Variants in MBNL3 observed in about 807,000 individuals in gnomAD.
The protein encoded by MBNL3 is muscleblind like splicing regulator 3.
In MBNL3, 6 loss-of-function variants were observed where a neutral mutation model predicts 24.5. The ratio of observed to expected loss-of-function variants is 0.25; its 90% confidence interval spans 0.13 to 0.48. The LOEUF (loss-of-function observed/expected upper bound fraction) is 0.48, where lower values mean the gene tolerates loss of function less well. MBNL3 is among the 20% of genes least tolerant of loss of function. The probability of loss-of-function intolerance (pLI) is 0.99; values close to 1 mark genes in which losing one functional copy is unlikely to be tolerated. For synonymous variants in MBNL3, 100 were observed against 101.7 expected (o/e 0.98, Z 0.10); for missense variants, 230 against 293.5 (o/e 0.78, Z 1.58).
At chrX:132,430,163 C>T (rs1709256554) in intron 2 of MBNL3, 1 of 110,175 alleles carries the variant, frequency 9.1e-6, no homozygotes, top group African/African-American at 3.3e-5. Context: ...AGAAACAATA[C>T]CCCACAATAT....
chrX:132,442,690 A>T (rs1188754833), intron 1 of MBNL3, among the ~76,000 whole-genome samples: 2 of 113,080 alleles, frequency 1.8e-5, no homozygotes, highest in South Asian at 7.1e-4. Flanking sequence ...TGAAAACTGC[A>T]AAAAAGAATT....
intron 2 of MBNL3, among the ~76,000 whole-genome samples, chrX:132,406,827 C>G (rs766225770): frequency 1.5e-4 from 17 of 111,938 alleles, no homozygotes; most frequent in African/African-American, 5.2e-4. Context: ...GTCACATTGT[C>G]ACAATGTGAC....
chrX:132,479,602 T>C, intron 1 of MBNL3, among the ~76,000 whole-genome samples: 1 of 112,338 alleles, frequency 8.9e-6, no homozygotes, highest in Non-Finnish European at 1.9e-5. Flanking sequence ...GAAAACCCTT[T>C]CACTTTTGTG....
chrX:132,405,880 CAAAAAAAAAAAAA>C (rs58288015), intron 3 of MBNL3, among the ~76,000 whole-genome samples: 1 of 32,856 alleles, frequency 3.0e-5, no homozygotes, highest in Non-Finnish European at 5.7e-5. Context: ...TCTGTCTCAC[CAAAAAAAAAAAAA>C]AAAAAAAAAA....
intron 3 of MBNL3, among the ~76,000 whole-genome samples, chrX:132,405,234 G>T (rs1173875210): frequency 9.0e-6 from 1 of 111,624 alleles, no homozygotes; most frequent in Non-Finnish European, 1.9e-5. Flanking sequence ...CTAAGTTAAG[G>T]GAAAGCCACT....
At chrX:132,469,280 G>A (rs1179877864) in intron 1 of MBNL3, among the ~76,000 whole-genome samples, 2 of 112,624 alleles carry the variant, frequency 1.8e-5, no homozygotes, top group Non-Finnish European at 3.7e-5. Context: ...TGAGCTCCTT[G>A]AGGACACATC....
intron 1 of MBNL3, among the ~76,000 whole-genome samples, chrX:132,465,576 C>T (rs1035559623): frequency 1.8e-5 from 2 of 112,116 alleles, no homozygotes; most frequent in Admixed American, 9.4e-5. Flanking sequence ...TCTTCATCTT[C>T]GTTCTTCTTT....
chrX:132,383,704 G>T (rs1935447364), intron 7 of MBNL3, among the ~76,000 whole-genome samples: 1 of 111,930 alleles, frequency 8.9e-6, no homozygotes, highest in South Asian at 3.7e-4. Flanking sequence ...CTATGTTAGT[G>T]AGTGCTGCTA....
At chrX:132,389,425 T>C (rs917519393) in intron 5 of MBNL3, among the ~76,000 whole-genome samples, 4 of 112,156 alleles carry the variant, frequency 3.6e-5, no homozygotes, top group Non-Finnish European at 7.5e-5. Flanking sequence ...TGACTTCTTT[T>C]GTGAAGTTCC....
At chrX:132,409,423 C>T (rs1019409914) in intron 2 of MBNL3, among the ~76,000 whole-genome samples, 1 of 111,564 alleles carries the variant, frequency 9.0e-6, no homozygotes, top group African/African-American at 3.3e-5. Flanking sequence ...TAGGAAGGTT[C>T]CAATGATTTC....
At chrX:132,411,060 T>C in intron 2 of MBNL3, 2 of 671,685 alleles carry the variant, frequency 3.0e-6, no homozygotes, top group Non-Finnish European at 3.5e-6. Context: ...GGCAAGAAAT[T>C]TAGAGGGAAA....
chrX:132,485,319 AATG>A (rs1432578797), intron 1 of MBNL3, among the ~76,000 whole-genome samples: 1 of 112,001 alleles, frequency 8.9e-6, no homozygotes, highest in Non-Finnish European at 1.9e-5. Context: ...CTCAAATAAA[AATG>A]ATAAGGTCCT....
intron 6 of MBNL3, 50 bp downstream of exon 6, chrX:132,386,611 C>T (rs954245244): frequency 1.7e-6 from 2 of 1,192,215 alleles, no homozygotes; most frequent in Admixed American, 4.4e-5. Context: ...GCATTGTATA[C>T]ATTCACAACA....
chrX:132,387,743 T>C (rs1052417627), intron 5 of MBNL3, among the ~76,000 whole-genome samples: 1 of 112,421 alleles, frequency 8.9e-6, no homozygotes, highest in Non-Finnish European at 1.9e-5. Context: ...ATGTAGATAG[T>C]TAGCAAAATA....
At chrX:132,485,137 A>C (rs1377984587) in intron 1 of MBNL3, among the ~76,000 whole-genome samples, 2 of 111,788 alleles carry the variant, frequency 1.8e-5, no homozygotes, top group Non-Finnish European at 3.8e-5. Context: ...TTTACAGTGA[A>C]CTTTTTTATT....
chrX:132,386,693 A>G lies in MBNL3; in HGVS notation c.890T>C (p.Leu297Pro). ...GATAAATGCCGGCTGTGGGAGCTGC[A>G]GGTTAGTCAGAGCCTGTTGGCAGTG... ...VFHCQQALTN[L>P]QLPQPAFIPA... The change falls in exon 6 of 9, where the codon CTG becomes CCG. Residue 297 changes from leucine (L) to proline (P), a missense_variant. Transcript: ENST00000370853. 1 of 1,210,748 alleles carries G rather than the reference A, an allele frequency of 8.3e-7. No individual in the cohort carries two copies. Among genetic ancestry groups the G allele is most frequent in the Non-Finnish European group, 1.1e-6 (1 of 895,428 alleles).
At chrX:132,485,241 A>G (rs915256953) in intron 1 of MBNL3, among the ~76,000 whole-genome samples, 2 of 111,651 alleles carry the variant, frequency 1.8e-5, no homozygotes, top group Non-Finnish European at 3.8e-5. Flanking sequence ...TTTTGAATTG[A>G]CCACTAATTT....
rs781328111 is a variant in MBNL3, at chrX:132,434,441, G to T, written c.177+4994C>A. 5.0e-4 allele frequency among the ~76,000 whole-genome samples: 56 copies of T among 112,319 alleles called. 1 individual carries two copies. Among genetic ancestry groups the T allele is most frequent in the African/African-American group, 1.8e-3 (55 of 30,926 alleles). ...TCAATGGCATATTGTAGGGGATGAT[G>T]AATAAATGGGGGACATAGTTATCAG... On this transcript the variant is annotated intron_variant, in intron 2 of 8. Transcript: ENST00000370853.
chrX:132,428,377 A>G (rs1361946778), intron 2 of MBNL3, among the ~76,000 whole-genome samples: 11 of 110,937 alleles, frequency 9.9e-5, no homozygotes. Flanking sequence ...ATATCAAGAA[A>G]GATGGCAAAA....
Sources: gnomAD v4.1 joint callset for allele counts (sites outside exome capture counted in the v4.1 genomes callset) on GRCh38, gnomAD v4.1.1 for gene constraint, MANE v1.5 for transcripts, NCBI Gene and HGNC (gene_info 2026-07-23, HGNC 2026-07-21) for gene names.